The following RNF103 variants were observed in gnomAD, a reference collection of about 807,000 sequenced individuals.
The protein encoded by RNF103 is E3 ubiquitin-protein ligase RNF103.
RNF103 carries 23 observed loss-of-function variants against 66.2 expected under a neutral mutation model. That is an observed-to-expected ratio of 0.35 (90% CI 0.25 to 0.49). RNF103 has a LOEUF of 0.49. Ranked by LOEUF, RNF103 falls within the 20% of genes least tolerant of loss-of-function variation. RNF103 has a pLI of 0.98. For synonymous variants in RNF103, 297 were observed against 289.9 expected, an observed-to-expected ratio of 1.02 and a Z score of -0.25; for missense variants, 730 against 814.7, an observed-to-expected ratio of 0.90 and a Z score of 1.27.
rs1230544981 is a variant in RNF103, at chr2:86,623,431, C to T, written c.-545G>A. 3 of 981,870 alleles carry T rather than the reference C, an allele frequency of 3.1e-6. No homozygotes were observed. Among genetic ancestry groups the T allele is most frequent in the Non-Finnish European group, 3.6e-6 (3 of 828,536 alleles). The allele number at this position is 981,870 out of a possible 1,614,324, so 60.8% of individuals were successfully genotyped here. A position where few individuals can be genotyped will look rare whatever the true frequency, so the allele number is the denominator to read the frequency against. On this transcript the variant is annotated 5_prime_UTR_variant, in exon 1 of 4. Transcript: ENST00000237455. ...GGGCGCGGCGCTCGGCCGGGCCAGG[C>T]CCGGGGCCCAGCGTGTTCTGCGCGG...
At chr2:86,615,209 T>C in intron 2 of RNF103, 1 of 985,394 alleles carries the variant, frequency 1.0e-6, no homozygotes, top group Non-Finnish European at 1.2e-6. Flanking sequence ...TTCAGCAACG[T>C]GTTCTAGCAT....
chr2:86,604,351 A>G lies in RNF103; in HGVS notation c.1550T>C (p.Phe517Ser). Residue 517 changes from phenylalanine (F) to serine (S), a missense_variant, in exon 4 of 4, where the codon TTT becomes TCT. Physicochemically the swap from Phe to Ser is radical, Grantham distance 155 (BLOSUM62 -2). Around this residue, in one of 3 missense-constraint regions of RNF103, gnomAD observed 355 missense variants for 351.9 expected, o/e 1.01. Transcript: ENST00000237455. ...DYIKNLPMWR[F>S]KCLGVQSEEE... Reference sequence around the variant, plus strand: ...TTCAGACTGGACTCCAAGACATTTAAATCGCCACATTGGTAAGTTTTTAAT... The same window carrying G: ...TTCAGACTGGACTCCAAGACATTTAGATCGCCACATTGGTAAGTTTTTAAT... 6.2e-7 allele frequency: 1 copy of G among 1,614,220 alleles called. No homozygotes were observed. Among genetic ancestry groups the G allele is most frequent in the Non-Finnish European group, 8.5e-7 (1 of 1,180,046 alleles).
chr2:86,622,789 A>G lies in RNF103; in HGVS notation c.98T>C (p.Phe33Ser), dbSNP rs747006927. 1.2e-6 allele frequency: 2 copies of G among 1,614,154 alleles called. No homozygotes were observed. The highest frequency in any genetic ancestry group is 1.7e-6 in the Non-Finnish European group (2 of 1,180,022). The change falls in exon 1 of 4, where the codon TTT (phenylalanine) becomes TCT (serine). Residue 33 changes from phenylalanine (F) to serine (S), a missense_variant. Transcript: ENST00000237455. ...CACCGGATCCACCAGCTGGGTGGCAAAGATGCCAGTTTCATACCACACAAT... is the reference window on the plus strand; with the variant it reads ...CACCGGATCCACCAGCTGGGTGGCAGAGATGCCAGTTTCATACCACACAAT... ...EAIVWYETGIFATQLVDPVAL... is the reference protein window; with the variant it reads ...EAIVWYETGISATQLVDPVAL...
At position 86,603,665 on chromosome 2, in the gene RNF103, G is replaced by A; in HGVS notation, c.*178C>T. ...ATAAAAAAATTTTACAATTAGGTAT[G>A]CATTCAATTAACACACAAGGCAACC... On this transcript the variant is annotated 3_prime_UTR_variant, in exon 4 of 4. Transcript: ENST00000237455. The A allele has an allele frequency of 1.2e-6, 1 of 803,640 alleles. No individual in the cohort carries two copies. Among genetic ancestry groups the A allele is most frequent in the South Asian group, 2.3e-5 (1 of 42,702 alleles). 49.8% of individuals were successfully genotyped at this position (803,640 alleles called of 1,614,324 possible).
chr2:86,612,764 A>C (rs1016772955), intron 2 of RNF103: 4 of 152,696 alleles, frequency 2.6e-5, no homozygotes, highest in African/African-American at 9.6e-5. Flanking sequence ...TTTTCTATTA[A>C]AGGGTGCTTT....
intron 2 of RNF103, chr2:86,613,797 A>C (rs1159922894): frequency 2.0e-5 from 3 of 152,228 alleles, no homozygotes; most frequent in African/African-American, 7.2e-5. Context: ...TTATGTGCCA[A>C]ATAACCTCTG....
chr2:86,617,032 G>C, intron 2 of RNF103: 1 of 985,372 alleles, frequency 1.0e-6, no homozygotes, highest in Non-Finnish European at 1.2e-6. Flanking sequence ...GCTTGGGTTA[G>C]GGACAAAGGA....
At chr2:86,622,605 T>A in intron 1 of RNF103, 56 bp downstream of exon 1, 1 of 1,551,768 alleles carries the variant, frequency 6.4e-7, no homozygotes. Flanking sequence ...TACCAGGAGG[T>A]ACAGGTCGTC....
Position 86,603,909 on chromosome 2 carries a change from C to G in RNF103, c.1992G>C (p.Trp664Cys). 1 of 1,614,016 alleles carries G rather than the reference C, an allele frequency of 6.2e-7. No individual in the cohort carries two copies. ...ATGGCTGCTTTTTTTTATAAGAAGG[C>G]CACCGGCAAACAGGGCAACAATGTC... ...GGRHCCPVCR[W>C]PSYKKKQPYA... Residue 664 changes from tryptophan to cysteine, a missense_variant, in exon 4 of 4, where the codon TGG becomes TGC. Trp to Cys is a radical substitution (Grantham distance 215). Around this residue, in one of 3 missense-constraint regions of RNF103, gnomAD observed 355 missense variants for 351.9 expected, o/e 1.01. Coordinates refer to ENST00000237455, the MANE Select transcript of RNF103 (RefSeq NM_005667.4).
intron 2 of RNF103, among the ~76,000 whole-genome samples, chr2:86,616,184 TA>T (rs1311815930): frequency 6.6e-6 from 1 of 152,208 alleles, no homozygotes; most frequent in East Asian, 1.9e-4. Flanking sequence ...AGGTGAGGTT[TA>T]TTACTGATCA....
chr2:86,611,977 A>C (rs373962396), intron 3 of RNF103, among the ~76,000 whole-genome samples, 182 bp downstream of exon 3: 3 of 152,316 alleles, frequency 2.0e-5, no homozygotes, highest in East Asian at 3.9e-4. Context: ...GAGAGATCTT[A>C]GAGTGAAAGT....
chr2:86,618,207 A>G (rs527379923), intron 2 of RNF103: 8 of 245,388 alleles, frequency 3.3e-5, no homozygotes, highest in African/African-American at 1.1e-4. Flanking sequence ...CCTTCACTTC[A>G]TTTGTCACCT....
intron 3 of RNF103, among the ~76,000 whole-genome samples, chr2:86,610,927 C>T (rs955264741): frequency 6.6e-6 from 1 of 150,884 alleles, no homozygotes; most frequent in African/African-American, 2.4e-5. Context: ...TAAGCTATCT[C>T]AGACATTTCA....
chr2:86,616,101 A>T (rs1303683546), intron 2 of RNF103, among the ~76,000 whole-genome samples: 2 of 152,240 alleles, frequency 1.3e-5, no homozygotes, highest in Non-Finnish European at 2.9e-5. Context: ...AAGCAACTGC[A>T]TATTAATGTT....
chr2:86,606,213 A>G lies in RNF103; in HGVS notation c.483-795T>C, dbSNP rs145806943. Among the ~76,000 whole-genome samples, 96 of 152,352 alleles carry G rather than the reference A, an allele frequency of 6.3e-4. 2 individuals carry two copies. In the East Asian group the frequency reaches 0.017, roughly 27 times the overall value. ...CCCCATTTTACAGCAGATTATATTC[A>G]GAAGAATTTAACTAAAATTAAATCA... On this transcript the variant is annotated intron_variant, in intron 3 of 3. Coordinates refer to ENST00000237455, the MANE Select transcript of RNF103 (RefSeq NM_005667.4).
In RNF103 at chr2:86,616,748, T is replaced by C. The variant is rs1260631876; in HGVS notation, c.366+3582A>G. The stretch of plus-strand genomic sequence containing the variant: ...AATTCCAGTGACTTTAAATTCCATA[T>C]GATGTAACACAGCCAGTAGGGAACA... On this transcript the variant is annotated intron_variant, in intron 2 of 3. Coordinates refer to ENST00000237455, the MANE Select transcript of RNF103 (RefSeq NM_005667.4). The C allele has an allele frequency of 6.1e-6, 6 of 985,338 alleles. No individual in the cohort carries two copies. The East Asian group carries it at 5.7e-4, about 93-fold the overall frequency. 61.0% of individuals were successfully genotyped at this position (985,338 alleles called of 1,614,324 possible). A position where few individuals can be genotyped will look rare whatever the true frequency, so the allele number is the denominator to read the frequency against.
chr2:86,623,433 CG>C lies in RNF103; in HGVS notation c.-548del. 1 of 981,348 alleles carries C rather than the reference CG, an allele frequency of 1.0e-6. No homozygotes were observed. The highest frequency in any genetic ancestry group is 1.2e-6 in the Non-Finnish European group (1 of 828,390). 60.8% of individuals were successfully genotyped at this position (981,348 alleles called of 1,614,324 possible). A position where few individuals can be genotyped will look rare whatever the true frequency, so the allele number is the denominator to read the frequency against. On this transcript the variant is annotated 5_prime_UTR_variant, in exon 1 of 4. Coordinates refer to ENST00000237455, the MANE Select transcript of RNF103 (RefSeq NM_005667.4). ...GCGCGGCGCTCGGCCGGGCCAGGCC[CG>C]GGGCCCAGCGTGTTCTGCGCGGGGA...
In RNF103 at chr2:86,605,048, T is replaced by C. The variant is rs769708197; in HGVS notation, c.853A>G (p.Met285Val). 1.2e-6 allele frequency: 2 copies of C among 1,614,094 alleles called. No homozygotes were observed. Among genetic ancestry groups the C allele is most frequent in the Admixed American group, 1.7e-5 (1 of 60,016 alleles). Residue 285 changes from methionine to valine, a missense_variant, in exon 4 of 4, where the codon ATG (methionine) becomes GTG (valine). Around this residue, in one of 3 missense-constraint regions of RNF103, gnomAD observed 327 missense variants for 369.8 expected, o/e 0.88. Transcript: ENST00000237455. ...SYMTDIGIYNMPSYILRTPEG... is the reference protein window; with the variant it reads ...SYMTDIGIYNVPSYILRTPEG... Reference sequence around the variant, plus strand: ...GGAGTTCTAAGTATGTATGATGGCATATTATATATGCCAATATCTGTCATA... The same window carrying C: ...GGAGTTCTAAGTATGTATGATGGCACATTATATATGCCAATATCTGTCATA...
intron 2 of RNF103, chr2:86,617,350 A>G: frequency 3.1e-6 from 3 of 978,514 alleles, no homozygotes; most frequent in Non-Finnish European, 3.6e-6. Flanking sequence ...CCTCAGTTTC[A>G]CTTTCTGCAG....
Sources: allele counts gnomAD v4.1 joint callset (sites outside exome capture counted in the v4.1 genomes callset), GRCh38; gene constraint gnomAD v4.1.1; regional missense constraint gnomAD v4.1.1; transcripts MANE v1.5; gene names NCBI Gene and HGNC (gene_info 2026-07-23, HGNC 2026-07-21).